The following RPTOR variants were observed in gnomAD, a reference collection of about 807,000 sequenced individuals.
The protein encoded by RPTOR is regulatory associated protein of MTOR complex 1, also known as regulatory-associated protein of mTOR.
Under a neutral mutation model 169.9 loss-of-function variants are expected in RPTOR, and 21 were observed. The ratio of observed to expected loss-of-function variants is 0.12; its 90% CI spans 0.09 to 0.18. The LOEUF (loss-of-function observed/expected upper bound fraction) is 0.18. Among genes scored for constraint, RPTOR ranks in the 10% least tolerant of loss-of-function variants. The probability of loss-of-function intolerance (pLI) is 1.00; values close to 1 mark genes in which losing one functional copy is unlikely to be tolerated. For missense variants in RPTOR, 1,133 were observed against 1,855.9 expected, an observed-to-expected ratio of 0.61 and a Z score of 7.16; for synonymous variants, 732 against 753.2, an observed-to-expected ratio of 0.97 and a Z score of 0.46.
chr17:80,895,138 C>T (rs2068382176), intron 20 of RPTOR, among the ~76,000 whole-genome samples: 1 of 152,212 alleles, frequency 6.6e-6, no homozygotes, highest in South Asian at 2.1e-4. Context: ...GAATTCAGCC[C>T]CTGCCACCAT....
Position 80,708,932 on chromosome 17 carries a change from CA to C in RPTOR, c.507+934del, listed in dbSNP as rs2066163068. The stretch of plus-strand genomic sequence containing the variant: ...CCTTAGTGTGGACACCGCCTCCTGC[CA>C]TCATAGTGAGGACTCTGACTCCGTT... On this transcript the variant is annotated intron_variant, in intron 4 of 33. Transcript: ENST00000306801. This position sits in a 1 kb window ranked among gnomAD's most constrained non-coding sequence, Gnocchi z 4.2. 1 of 985,684 alleles carries C rather than the reference CA, an allele frequency of 1.0e-6. No homozygotes were observed. Among genetic ancestry groups the C allele is most frequent in the Non-Finnish European group, 1.2e-6 (1 of 829,928 alleles). The allele number at this position is 985,684 out of a possible 1,614,324, so 61.1% of individuals were successfully genotyped here.
chr17:80,964,213 GTGTCT>G, intron 33 of RPTOR, 44 bp from the exon 34 acceptor site: 10 of 909,836 alleles, frequency 1.1e-5, no homozygotes, highest in African/African-American at 1.6e-5. Flanking sequence ...GCCCCCCGCA[GTGTCT>G]GCCCGCACCT....
chr17:80,921,919 T>C (rs1228051688), intron 21 of RPTOR, among the ~76,000 whole-genome samples: 1 of 152,156 alleles, frequency 6.6e-6, no homozygotes, highest in Admixed American at 6.5e-5. Context: ...CAGCACCACC[T>C]GCGTGCGCCC....
chr17:80,920,934 G>A (rs1382824879), intron 21 of RPTOR, among the ~76,000 whole-genome samples: 1 of 152,212 alleles, frequency 6.6e-6, no homozygotes, highest in Non-Finnish European at 1.5e-5. Flanking sequence ...TGGCCGAATA[G>A]TTTAATACCA....
intron 1 of RPTOR, among the ~76,000 whole-genome samples, chr17:80,617,127 T>C (rs1180024550): frequency 6.6e-6 from 1 of 152,136 alleles, no homozygotes; most frequent in African/African-American, 2.4e-5. Context: ...GGAAAGTGCA[T>C]ACACAGAAGG....
chr17:80,645,440 T>C (rs148880488), intron 3 of RPTOR, among the ~76,000 whole-genome samples: 2 of 152,396 alleles, frequency 1.3e-5, no homozygotes, highest in Admixed American at 1.3e-4. Flanking sequence ...GAGTCTCTGC[T>C]ATTAAAACTA....
intron 5 of RPTOR, among the ~76,000 whole-genome samples, chr17:80,736,236 A>T (rs1455604060): frequency 6.6e-6 from 1 of 150,636 alleles, no homozygotes; most frequent in East Asian, 1.9e-4. Context: ...ATTCCCCCGC[A>T]CTCTGCAAGG....
At chr17:80,949,395 A>T (rs753681142) in intron 27 of RPTOR, 48 bp from the exon 28 acceptor site, 2 of 1,484,690 alleles carry the variant, frequency 1.3e-6, no homozygotes, top group Admixed American at 3.3e-5. Context: ...AGCACAGGCC[A>T]GGCCATCGAG....
intron 2 of RPTOR, among the ~76,000 whole-genome samples, chr17:80,628,981 A>C (rs1457951816): frequency 6.6e-6 from 1 of 150,614 alleles, no homozygotes; most frequent in Non-Finnish European, 1.5e-5. Flanking sequence ...TCAGCTGTCT[A>C]TGTATTCTGC....
At chr17:80,644,742 A>G (rs753936877) in intron 3 of RPTOR, among the ~76,000 whole-genome samples, 7 of 152,198 alleles carry the variant, frequency 4.6e-5, no homozygotes, top group Non-Finnish European at 1.0e-4. Context: ...TTCCTTATAC[A>G]TTATTTACAT....
rs937484911 is a variant in RPTOR at position 80,845,390 on chromosome 17, G to T, written c.1213-1083G>T. ...CTGTCCAGCTGCAACCCCTCCTCCCGCCCTCACCCCAGAGAGTACCCTCGT... is the reference window on the plus strand; with the variant it reads ...CTGTCCAGCTGCAACCCCTCCTCCCTCCCTCACCCCAGAGAGTACCCTCGT... On this transcript the variant is annotated intron_variant, in intron 10 of 33. Coordinates refer to ENST00000306801, the MANE Select transcript of RPTOR (RefSeq NM_020761.3). This position sits in a 1 kb window ranked among gnomAD's most constrained non-coding sequence, Gnocchi z 5.4. Among the ~76,000 whole-genome samples, 1 of 151,672 alleles carries T rather than the reference G, an allele frequency of 6.6e-6. No homozygotes were observed. Among genetic ancestry groups the T allele is most frequent in the Non-Finnish European group, 1.5e-5 (1 of 67,920 alleles).
At chr17:80,614,703 GCTCAGATCTTAAAATC>G (rs1263197682) in intron 1 of RPTOR, among the ~76,000 whole-genome samples, 4 of 152,232 alleles carry the variant, frequency 2.6e-5, no homozygotes, top group African/African-American at 9.6e-5. Context: ...CCATCTCACT[GCTCAGATCTTAAAATC>G]TGTAGCCAAG....
chr17:80,786,752 T>C (rs116683624), intron 6 of RPTOR, among the ~76,000 whole-genome samples: 1,944 of 152,344 alleles, frequency 0.013, 52 homozygotes, highest in African/African-American at 0.044. Flanking sequence ...TACATCAGGT[T>C]GGGTTACAGT....
intron 6 of RPTOR, among the ~76,000 whole-genome samples, chr17:80,783,033 C>T (rs2066957316): frequency 6.6e-6 from 1 of 152,176 alleles, no homozygotes; most frequent in African/African-American, 2.4e-5. Context: ...GGTTGATGCT[C>T]ATAAGCGTTA....
intron 1 of RPTOR, among the ~76,000 whole-genome samples, chr17:80,553,267 G>T (rs2084367057): frequency 6.6e-6 from 1 of 152,222 alleles, no homozygotes; most frequent in Admixed American, 6.5e-5. Context: ...CCCAGTGGCT[G>T]CCTGGAGGAG....
intron 24 of RPTOR, among the ~76,000 whole-genome samples, chr17:80,937,352 C>T (rs181003853): frequency 1.4e-4 from 22 of 152,306 alleles, no homozygotes; most frequent in Admixed American, 5.2e-4. Flanking sequence ...CTCTAAGGCT[C>T]CCAGATTCCC....
At position 80,814,982 on chromosome 17, in the gene RPTOR, G is replaced by A. The variant is rs555896686; in HGVS notation, c.891-7219G>A. On this transcript the variant is annotated intron_variant, in intron 7 of 33. Coordinates refer to ENST00000306801, the MANE Select transcript of RPTOR (RefSeq NM_020761.3). ...CCCTAAGCCAAGAAGACAGGAGGGT[G>A]GTCTGAGCAGAGCACACAGGATGTT... Among the ~76,000 whole-genome samples the A allele has an allele frequency of 3.3e-5, 5 of 152,292 alleles. No individual in the cohort carries two copies. The South Asian group carries it at 1.0e-3, about 32-fold the overall frequency.
At chr17:80,904,160 C>T (rs976818700) in intron 20 of RPTOR, among the ~76,000 whole-genome samples, 3 of 152,154 alleles carry the variant, frequency 2.0e-5, no homozygotes, top group Non-Finnish European at 2.9e-5. Context: ...GAGGGCGGAG[C>T]GGCTGGTCAG....
chr17:80,611,863 G>A lies in RPTOR; in HGVS notation c.163-13828G>A, dbSNP rs546262928. Among the ~76,000 whole-genome samples, 61 of 151,704 alleles carry A rather than the reference G, an allele frequency of 4.0e-4. 1 individual carries two copies. Among genetic ancestry groups the A allele is most frequent in the African/African-American group, 1.4e-3 (57 of 41,314 alleles). Reference sequence around the variant, plus strand: ...CCTGTAAATGACACAGACTTCTTGTGGAAGGGTCCTGCTGCTTGTGTTGGA... The same window carrying A: ...CCTGTAAATGACACAGACTTCTTGTAGAAGGGTCCTGCTGCTTGTGTTGGA... On this transcript the variant is annotated intron_variant, in intron 1 of 33. Transcript: ENST00000306801.
Sources: allele counts gnomAD v4.1 joint callset (sites outside exome capture counted in the v4.1 genomes callset), GRCh38; gene constraint gnomAD v4.1.1; non-coding constraint Gnocchi (gnomAD v3.1); transcripts MANE v1.5; gene names NCBI Gene and HGNC (gene_info 2026-07-23, HGNC 2026-07-21).